RFX7: variants seen among roughly 807,000 people sequenced by gnomAD.
RFX7 encodes DNA-binding protein RFX7.
In RFX7, 26 loss-of-function variants were observed where a neutral mutation model predicts 111.8. That is an observed-to-expected ratio of 0.23 (90% CI 0.17 to 0.32). RFX7 has a LOEUF of 0.32. Among genes scored for constraint, RFX7 ranks in the 10% least tolerant of loss-of-function variants. The pLI is 1.00. For synonymous variants in RFX7, 624 were observed against 624.4 expected (o/e 1.00, Z 0.01); for missense variants, 1,573 against 1,772.9 (o/e 0.89, Z 2.02).
At chr15:56,155,791 G>T (rs2042644566) in intron 3 of RFX7, among the ~76,000 whole-genome samples, 1 of 151,850 alleles carries the variant, frequency 6.6e-6, no homozygotes, top group African/African-American at 2.4e-5. Flanking sequence ...ACAAGAAAAA[G>T]TCTCCTCCCC....
At chr15:56,233,485 G>C (rs545331235) in intron 2 of RFX7, among the ~76,000 whole-genome samples, 1 of 152,222 alleles carries the variant, frequency 6.6e-6, no homozygotes, top group African/African-American at 2.4e-5. Context: ...ATCAGCAGTG[G>C]AAATAGGAAG....
intron 2 of RFX7, among the ~76,000 whole-genome samples, chr15:56,201,500 C>G (rs113297611): frequency 3.3e-5 from 5 of 152,158 alleles, no homozygotes; most frequent in Admixed American, 1.3e-4. Context: ...CCTCAATGTT[C>G]AAATGATGCT....
chr15:56,109,682 G>C (rs1278838535), intron 5 of RFX7, among the ~76,000 whole-genome samples: 1 of 151,506 alleles, frequency 6.6e-6, no homozygotes, highest in Non-Finnish European at 1.5e-5. Flanking sequence ...GATGCGGGGA[G>C]CGCCTCTGCC....
rs188948731 is a variant in RFX7 at position 56,095,502 on chromosome 15, T to C, written c.2226A>G (p.Ser742=). The C allele has an allele frequency of 8.7e-6, 14 of 1,613,124 alleles. No individual in the cohort carries two copies. The change falls in exon 10 of 10, where the codon TCA becomes TCG. Residue 742 remains serine, a synonymous_variant. Transcript: ENST00000559447. Reference sequence around the variant, plus strand: ...ATGGGGTTGTTTGCTGTTCCAAAGCTGAATCACTGATAACAAGGGCAGAGG... The same window carrying C: ...ATGGGGTTGTTTGCTGTTCCAAAGCCGAATCACTGATAACAAGGGCAGAGG... ...LNSSALVISD[S]ALEQQTTPSS... is the part of the protein sequence containing the mutation.
At chr15:56,238,511 G>A (rs1443897109) in intron 2 of RFX7, among the ~76,000 whole-genome samples, 2 of 152,106 alleles carry the variant, frequency 1.3e-5, no homozygotes, top group African/African-American at 2.4e-5. Flanking sequence ...GGTCTAATAA[G>A]GAATCAGTAG....
At chr15:56,100,281 G>A (rs2041735783) in intron 8 of RFX7, among the ~76,000 whole-genome samples, 2 of 152,180 alleles carry the variant, frequency 1.3e-5, no homozygotes, top group African/African-American at 2.4e-5. Flanking sequence ...AGCTCGATAA[G>A]GCTGGTCAAG....
At chr15:56,161,808 A>C (rs1000027597) in intron 3 of RFX7, among the ~76,000 whole-genome samples, 2 of 152,118 alleles carry the variant, frequency 1.3e-5, no homozygotes, top group African/African-American at 4.8e-5. Context: ...ACACTCATAT[A>C]GTAGGAACTA....
At chr15:56,152,299 G>A (rs572130882) in intron 3 of RFX7, among the ~76,000 whole-genome samples, 2 of 152,140 alleles carry the variant, frequency 1.3e-5, no homozygotes, top group African/African-American at 2.4e-5. Flanking sequence ...CCACATAATT[G>A]GAAGTAAAAC....
intron 5 of RFX7, among the ~76,000 whole-genome samples, chr15:56,134,596 C>CTTTTTTTTTTTTTTTACTTTTTTTTTTT (rs2042265872): frequency 7.5e-6 from 1 of 132,694 alleles, no homozygotes; most frequent in Non-Finnish European, 1.6e-5. Context: ...AAATCACTTT[C>CTTTTTTTTTTTTTTTACTTTTTTTTTTT]TTTTTTTTTT....
At chr15:56,168,372 T>G (rs1325029006) in intron 3 of RFX7, among the ~76,000 whole-genome samples, 2 of 152,224 alleles carry the variant, frequency 1.3e-5, no homozygotes, top group Non-Finnish European at 2.9e-5. Flanking sequence ...AACGATCCAG[T>G]AAATATTTAC....
At chr15:56,137,120 C>T in intron 5 of RFX7, among the ~76,000 whole-genome samples, 1 of 152,160 alleles carries the variant, frequency 6.6e-6, no homozygotes. Context: ...CAGAATGATG[C>T]TGGCCTCATA....
At chr15:56,116,334 G>T (rs1279243979) in intron 5 of RFX7, among the ~76,000 whole-genome samples, 2 of 152,114 alleles carry the variant, frequency 1.3e-5, no homozygotes, top group African/African-American at 4.8e-5. Context: ...TAAATAAGTG[G>T]TTCTTTACTG....
intron 2 of RFX7, among the ~76,000 whole-genome samples, chr15:56,229,478 G>A (rs2043524932): frequency 6.6e-6 from 1 of 152,146 alleles, no homozygotes; most frequent in Admixed American, 6.5e-5. Flanking sequence ...TGTTAGCCAG[G>A]ATGATCTTGA....
chr15:56,138,680 C>G (rs1362290301), intron 5 of RFX7, among the ~76,000 whole-genome samples: 4 of 152,024 alleles, frequency 2.6e-5, no homozygotes, highest in African/African-American at 7.3e-5. Flanking sequence ...GGTTGTTTTG[C>G]CCGTTAGTTG....
intron 2 of RFX7, among the ~76,000 whole-genome samples, chr15:56,219,423 G>T (rs535526012): frequency 7.2e-5 from 11 of 152,142 alleles, no homozygotes; most frequent in African/African-American, 2.4e-4. Flanking sequence ...CTGTTATATA[G>T]GTAAATTGCT....
intron 5 of RFX7, among the ~76,000 whole-genome samples, chr15:56,113,010 T>G (rs1229333876): frequency 2.0e-5 from 3 of 152,236 alleles, no homozygotes; most frequent in Non-Finnish European, 4.4e-5. Context: ...CAACACATGT[T>G]GGCAAGGATG....
intron 2 of RFX7, among the ~76,000 whole-genome samples, chr15:56,187,670 C>T (rs965320645): frequency 2.6e-5 from 4 of 152,124 alleles, no homozygotes; most frequent in Non-Finnish European, 4.4e-5. Flanking sequence ...ATATGAACTA[C>T]GCCCAGTATT....
At chr15:56,240,176 A>G (rs1257747305) in intron 2 of RFX7, among the ~76,000 whole-genome samples, 4 of 151,514 alleles carry the variant, frequency 2.6e-5, no homozygotes, top group Admixed American at 6.6e-5. Context: ...ATAACCTTAC[A>G]GCATATTCAA....
chr15:56,187,477 C>G (rs1304043030), intron 2 of RFX7, among the ~76,000 whole-genome samples: 1 of 152,136 alleles, frequency 6.6e-6, no homozygotes, highest in Admixed American at 6.5e-5. Flanking sequence ...TCCCAAAGTG[C>G]ACTAGTAGAA....
Sources: gnomAD v4.1 joint callset for allele counts (sites outside exome capture counted in the v4.1 genomes callset) on GRCh38, gnomAD v4.1.1 for gene constraint, MANE v1.5 for transcripts, NCBI Gene and HGNC (gene_info 2026-07-23, HGNC 2026-07-21) for gene names.